The following PGD variants were observed in gnomAD, a reference collection of about 807,000 sequenced individuals.
The protein encoded by PGD is 6-phosphogluconate dehydrogenase, decarboxylating.
A neutral mutation model predicts 60.4 loss-of-function variants in PGD; 21 were observed. That is an observed-to-expected ratio of 0.35 (90% CI 0.25 to 0.50). The LOEUF is 0.50. Ranked by LOEUF, PGD falls within the 20% of genes least tolerant of loss-of-function variation. The pLI is 0.98. For missense variants in PGD, 477 were observed against 613.1 expected, an observed-to-expected ratio of 0.78 and a Z score of 2.34; for synonymous variants, 230 against 235.9, an observed-to-expected ratio of 0.97 and a Z score of 0.23.
At position 10,418,991 on chromosome 1, in the gene PGD, G is replaced by GTTTT; in HGVS notation, c.1209+69_1209+72dup. Reference sequence around the variant, plus strand: ...CTGGGGCCATCAGTTGTGATGTTTGGTTTTTTGTTTTTTTTTTTTGGTTTT... The same window carrying GTTTT: ...CTGGGGCCATCAGTTGTGATGTTTGGTTTTTTTTTTGTTTTTTTTTTTTGGTTTT... On this transcript the variant is annotated intron_variant, in intron 11 of 12. Transcript: ENST00000270776. 4 of 894,060 alleles carry GTTTT rather than the reference G, an allele frequency of 4.5e-6. No homozygotes were observed. In the African/African-American group the frequency reaches 6.9e-5, roughly 15 times the overall value. The allele number at this position is 894,060 out of a possible 1,614,324, so 55.4% of individuals were successfully genotyped here.
chr1:10,409,522 C>T (rs928612438), intron 6 of PGD, among the ~76,000 whole-genome samples: 3 of 151,924 alleles, frequency 2.0e-5, no homozygotes, highest in Admixed American at 6.6e-5. Context: ...CCCTTGAGCC[C>T]ACGAGTTCAA....
intron 2 of PGD, 92 bp from the exon 3 acceptor site, chr1:10,400,301 T>C: frequency 1.0e-6 from 1 of 972,950 alleles, no homozygotes; most frequent in Non-Finnish European, 1.6e-6. Flanking sequence ...TCCCCAGAAC[T>C]TGGGTTGAAT....
Position 10,408,113 on chromosome 1 carries a change from G to C in PGD, c.492G>C (p.Val164=). Residue 164 remains valine (V), a synonymous_variant, in exon 6 of 13, where the codon GTG becomes GTC. Transcript: ENST00000270776. ...KTIFQGIAAK[V]GTGEPCCDWV... ...TCTTCCAAGGCATTGCTGCAAAAGT[G>C]GGAACTGGAGAACCCTGCTGTGACT... The C allele has an allele frequency of 2.5e-6, 4 of 1,605,254 alleles. No homozygotes were observed. Among genetic ancestry groups the C allele is most frequent in the Non-Finnish European group, 2.6e-6 (3 of 1,171,790 alleles).
At chr1:10,408,544 T>C (rs1187231902) in intron 6 of PGD, among the ~76,000 whole-genome samples, 3 of 152,188 alleles carry the variant, frequency 2.0e-5, no homozygotes, top group Non-Finnish European at 4.4e-5. Context: ...CAACATTCCA[T>C]GAACGTGGAA....
rs749994897 is a variant in PGD at position 10,419,733 on chromosome 1, C to T, written c.1436C>T (p.Ser479Leu). The change falls in exon 13 of 13, where the codon TCG (serine) becomes TTG (leucine). Residue 479 changes from serine to leucine, a missense_variant. Coordinates refer to ENST00000270776, the MANE Select transcript of PGD (RefSeq NM_002631.4). ...WTGHGGTVSS[S>L]SYNA is the part of the protein sequence containing the mutation. ...GGCCATGGTGGCACCGTGTCATCCT[C>T]GTCATACAATGCCTGATCATGCTGC... 8.7e-6 allele frequency: 14 copies of T among 1,614,096 alleles called. No individual in the cohort carries two copies. Among genetic ancestry groups the T allele is most frequent in the African/African-American group, 4.0e-5 (3 of 74,936 alleles).
Position 10,417,037 on chromosome 1 carries a change from C to A in PGD, c.895C>A (p.Gln299Lys), listed in dbSNP as rs1639607462. ...CLSSLKDERI[Q>K]ASKKLKGPQK... is the part of the protein sequence containing the mutation. ...ATCATCTCTGAAGGATGAGAGAATT[C>A]AAGCTAGCAAAAAGCTGAAGGGTCC... Residue 299 changes from glutamine (Q) to lysine (K), a missense_variant, in exon 9 of 13, where the codon CAA becomes AAA. Gln to Lys is a moderately conservative substitution (Grantham distance 53). Transcript: ENST00000270776. 1 of 1,613,860 alleles carries A rather than the reference C, an allele frequency of 6.2e-7. No homozygotes were observed. The highest frequency in any genetic ancestry group is 8.5e-7 in the Non-Finnish European group (1 of 1,179,804).
chr1:10,411,650 C>T (rs925189884), intron 7 of PGD, 98 bp downstream of exon 7: 19 of 1,413,160 alleles, frequency 1.3e-5, no homozygotes, highest in Middle Eastern at 1.8e-4. Context: ...CTTGGCCATT[C>T]GGGTGGCCTG....
intron 8 of PGD, among the ~76,000 whole-genome samples, chr1:10,416,721 C>T (rs1264427506): frequency 6.6e-6 from 1 of 152,068 alleles, no homozygotes; most frequent in Non-Finnish European, 1.5e-5. Context: ...GCCGAGGGGT[C>T]ACAAGGTGCT....
In PGD at chr1:10,411,533, C is replaced by A; in HGVS notation, c.635C>A (p.Ala212Glu). 6.2e-7 allele frequency: 1 copy of A among 1,613,990 alleles called. No individual in the cohort carries two copies. The highest frequency in any genetic ancestry group is 8.5e-7 in the Non-Finnish European group (1 of 1,179,932). Residue 212 changes from alanine to glutamate, a missense_variant, in exon 7 of 13, where the codon GCG becomes GAG. Ala to Glu is a moderately radical substitution (Grantham distance 107). This residue lies in a region of PGD where 431 missense variants were observed against 556.6 expected (regional missense o/e 0.77). Coordinates refer to ENST00000270776, the MANE Select transcript of PGD (RefSeq NM_002631.4). ...YHLMKDVLGM[A>E]QDEMAQAFED... ...CTGATGAAAGACGTGCTGGGCATGG[C>A]GCAGGACGAGATGGCCCAGGTGAGG...
chr1:10,408,855 C>T (rs1031835347), intron 6 of PGD, among the ~76,000 whole-genome samples: 1 of 152,230 alleles, frequency 6.6e-6, no homozygotes, highest in African/African-American at 2.4e-5. Context: ...AAGTCATCTG[C>T]CTGCCTTGGC....
chr1:10,413,644 G>A (rs1400714061), intron 8 of PGD, among the ~76,000 whole-genome samples: 1 of 152,156 alleles, frequency 6.6e-6, no homozygotes, highest in African/African-American at 2.4e-5. Flanking sequence ...AGTGGTTCAC[G>A]CCTGTAATGC....
At chr1:10,405,082 A>AAATATAAAT (rs1639377692) in intron 5 of PGD, among the ~76,000 whole-genome samples, 2 of 152,238 alleles carry the variant, frequency 1.3e-5, no homozygotes, top group South Asian at 2.1e-4. Flanking sequence ...TTTAATTAAA[A>AAATATAAAT]AATATAAATT....
chr1:10,405,648 TG>T (rs1192117892), intron 5 of PGD, among the ~76,000 whole-genome samples: 2 of 150,690 alleles, frequency 1.3e-5, no homozygotes, highest in Non-Finnish European at 3.0e-5. Context: ...AAGACCAGCC[TG>T]GCCAACATGG....
At chr1:10,407,764 G>A (rs183227227) in intron 5 of PGD, among the ~76,000 whole-genome samples, 101 of 152,010 alleles carry the variant, frequency 6.6e-4, no homozygotes, top group Admixed American at 1.6e-3. Flanking sequence ...TGGGCAACAT[G>A]GCAAAACCCC....
intron 7 of PGD, 48 bp downstream of exon 7, chr1:10,411,600 C>G: frequency 3.1e-6 from 5 of 1,609,610 alleles, no homozygotes; most frequent in Non-Finnish European, 4.2e-6. Context: ...GGAGTGCTCA[C>G]TTTGCCACAG....
Position 10,399,098 on chromosome 1 carries a change from G to A in PGD, c.-20G>A, listed in dbSNP as rs775389600. On this transcript the variant is annotated 5_prime_UTR_variant, in exon 1 of 13. Coordinates refer to ENST00000270776, the MANE Select transcript of PGD (RefSeq NM_002631.4). ...GTCCTCCGCGCGTCGCCGCTCTTCGGTTCTGCTCTGTCCGCCGCCATGGCC... is the reference window on the plus strand; with the variant it reads ...GTCCTCCGCGCGTCGCCGCTCTTCGATTCTGCTCTGTCCGCCGCCATGGCC... 16 of 1,609,606 alleles carry A rather than the reference G, an allele frequency of 9.9e-6. 1 individual carries two copies. The South Asian group carries it at 1.6e-4, about 17-fold the overall frequency.
Position 10,399,490 on chromosome 1 carries a change from C to T in PGD, c.9-139C>T, listed in dbSNP as rs572638380. 4.0e-4 allele frequency: 314 copies of T among 778,416 alleles called. 2 individuals carry two copies. In the Middle Eastern group the frequency reaches 9.1e-3, roughly 23 times the overall value. The allele number at this position is 778,416 out of a possible 1,614,324, so 48.2% of individuals were successfully genotyped here. A position where few individuals can be genotyped will look rare whatever the true frequency, so the allele number is the denominator to read the frequency against. On this transcript the variant is annotated intron_variant, in intron 1 of 12. Coordinates refer to ENST00000270776, the MANE Select transcript of PGD (RefSeq NM_002631.4). ...GCCGAGGCTCTGCAGCGTGCGCGCC[C>T]GGCTTCTGGGGGCCCGCGGGAGGCG... is the stretch of plus-strand genomic sequence containing the variant.
intron 4 of PGD, among the ~76,000 whole-genome samples, chr1:10,403,643 T>C (rs947303485): frequency 5.0e-5 from 7 of 138,848 alleles, no homozygotes; most frequent in African/African-American, 1.6e-4. Flanking sequence ...CAGTCACACA[T>C]ACAACTCAAA....
chr1:10,415,935 C>T (rs1268234175), intron 8 of PGD, among the ~76,000 whole-genome samples: 4 of 151,502 alleles, frequency 2.6e-5, no homozygotes, highest in South Asian at 2.1e-4. Context: ...TACTGAAAAC[C>T]GTAAAATATA....
Sources: allele counts gnomAD v4.1 joint callset (sites outside exome capture counted in the v4.1 genomes callset), GRCh38; gene constraint gnomAD v4.1.1; regional missense constraint gnomAD v4.1.1; transcripts MANE v1.5; gene names NCBI Gene and HGNC (gene_info 2026-07-23, HGNC 2026-07-21).